APBA1: variants seen among roughly 807,000 people sequenced by gnomAD.
APBA1 encodes amyloid beta precursor protein binding family A member 1, also known as amyloid-beta A4 precursor protein-binding family A member 1.
APBA1 carries 55 observed loss-of-function variants against 86.6 expected under a neutral mutation model. The ratio of observed to expected loss-of-function variants is 0.64; its 90% CI spans 0.51 to 0.80. APBA1 has a LOEUF of 0.80. APBA1 is among the 30% of genes least tolerant of loss of function. The pLI, the probability that APBA1 is intolerant of heterozygous loss-of-function variation, is 0.00. For missense variants in APBA1, 1,090 were observed against 1,183.0 expected (o/e 0.92, Z 1.15); for synonymous variants, 511 against 493.9 (o/e 1.03, Z -0.46).
chr9:69,481,960 A>C (rs1014294195), intron 2 of APBA1, among the ~76,000 whole-genome samples: 1 of 151,148 alleles, frequency 6.6e-6, no homozygotes, highest in Admixed American at 6.6e-5. Flanking sequence ...CACCTTATAC[A>C]AAAATCAATT....
intron 1 of APBA1, among the ~76,000 whole-genome samples, chr9:69,587,780 T>A (rs150599577): frequency 3.1e-4 from 47 of 152,142 alleles, no homozygotes; most frequent in South Asian, 1.5e-3. Flanking sequence ...ATCCCAGCAC[T>A]TTGGGAGGCT....
intron 2 of APBA1, among the ~76,000 whole-genome samples, chr9:69,486,323 C>T (rs1564051727): frequency 1.3e-5 from 2 of 152,088 alleles, no homozygotes; most frequent in South Asian, 4.1e-4. Flanking sequence ...GGGAGACATA[C>T]AAATAGCTCC....
chr9:69,588,607 A>T (rs571554150), intron 1 of APBA1, among the ~76,000 whole-genome samples: 2 of 152,262 alleles, frequency 1.3e-5, no homozygotes, highest in South Asian at 4.1e-4. Flanking sequence ...GTTAAGTTTG[A>T]TCTGCTTGTT....
rs949298498 is a variant in APBA1 at position 69,555,510 on chromosome 9, C to A, written c.-69-38231G>T. On this transcript the variant is annotated intron_variant, in intron 1 of 12. Coordinates refer to ENST00000265381, the MANE Select transcript of APBA1 (RefSeq NM_001163.4). ...AATTTGTTTAATCATTGGCAAAATTCAAAGAATGAATCATCTCAATATAGA... is the reference window on the plus strand; with the variant it reads ...AATTTGTTTAATCATTGGCAAAATTAAAAGAATGAATCATCTCAATATAGA... 3.3e-5 allele frequency among the ~76,000 whole-genome samples: 5 copies of A among 152,086 alleles called. No individual in the cohort carries two copies. The South Asian group carries it at 1.0e-3, about 32-fold the overall frequency.
intron 2 of APBA1, among the ~76,000 whole-genome samples, chr9:69,477,335 T>A: frequency 6.6e-6 from 1 of 151,824 alleles, no homozygotes; most frequent in Admixed American, 6.6e-5. Context: ...GGGAGTTCCC[T>A]TTCTGAGTCA....
intron 5 of APBA1, chr9:69,462,899 A>AGGC (rs1835213385): frequency 6.6e-6 from 1 of 152,206 alleles, no homozygotes; most frequent in Non-Finnish European, 1.5e-5. Flanking sequence ...GTTGGGCCTG[A>AGGC]AAACCTGTAC....
At chr9:69,432,912 C>T (rs897050277) in intron 11 of APBA1, among the ~76,000 whole-genome samples, 1 of 152,158 alleles carries the variant, frequency 6.6e-6, no homozygotes, top group African/African-American at 2.4e-5. Flanking sequence ...CTGGTTTTTA[C>T]GGCACACTGA....
chr9:69,482,546 C>G (rs28816725), intron 2 of APBA1, among the ~76,000 whole-genome samples: 1 of 148,882 alleles, frequency 6.7e-6, no homozygotes, highest in South Asian at 2.2e-4. Flanking sequence ...TAGTTCAACC[C>G]TTGTGGAAGT....
chr9:69,543,038 A>C (rs1836639826), intron 1 of APBA1, among the ~76,000 whole-genome samples: 1 of 152,236 alleles, frequency 6.6e-6, no homozygotes, highest in African/African-American at 2.4e-5. Context: ...GTGCAATCAA[A>C]ATCGCTGCAA....
chr9:69,445,783 T>TG (rs559589118), intron 10 of APBA1, among the ~76,000 whole-genome samples: 2 of 152,294 alleles, frequency 1.3e-5, no homozygotes, highest in African/African-American at 2.4e-5. Flanking sequence ...TCCTGTAACC[T>TG]GGGGGGACAA....
chr9:69,431,445 G>A, intron 12 of APBA1, 47 bp from the exon 13 acceptor site: 1 of 1,550,822 alleles, frequency 6.4e-7, no homozygotes, highest in Non-Finnish European at 8.9e-7. Context: ...GCTGGGGGCT[G>A]GCTGCGTGGG....
chr9:69,491,134 T>C (rs1835702851), intron 2 of APBA1, among the ~76,000 whole-genome samples: 1 of 152,136 alleles, frequency 6.6e-6, no homozygotes, highest in Non-Finnish European at 1.5e-5. Context: ...TAAATCATGC[T>C]GCTATAAAGA....
chr9:69,624,233 T>G (rs1439951103), intron 1 of APBA1, among the ~76,000 whole-genome samples: 2 of 152,144 alleles, frequency 1.3e-5, no homozygotes, highest in Non-Finnish European at 2.9e-5. Context: ...CCACACTGCA[T>G]AAGACCAACA....
At chr9:69,512,666 C>T (rs1287202106) in intron 2 of APBA1, among the ~76,000 whole-genome samples, 1 of 151,998 alleles carries the variant, frequency 6.6e-6, no homozygotes, top group Non-Finnish European at 1.5e-5. Flanking sequence ...GGGGAAAGTG[C>T]CCAGATAATA....
In APBA1 at chr9:69,662,351, C is replaced by T. The variant is rs982116879; in HGVS notation, c.-70+9802G>A. 5.9e-5 allele frequency among the ~76,000 whole-genome samples: 9 copies of T among 152,272 alleles called. No individual in the cohort carries two copies. In the South Asian group the frequency reaches 6.2e-4, roughly 11 times the overall value. The stretch of plus-strand genomic sequence containing the variant: ...TGAGTTAGCTGTGTACAGTACTTAG[C>T]GCAATGCCTGACACTTTGTAACTTG... On this transcript the variant is annotated intron_variant, in intron 1 of 12. Coordinates refer to ENST00000265381, the MANE Select transcript of APBA1 (RefSeq NM_001163.4).
At chr9:69,585,466 C>T (rs976424310) in intron 1 of APBA1, among the ~76,000 whole-genome samples, 1 of 152,160 alleles carries the variant, frequency 6.6e-6, no homozygotes, top group African/African-American at 2.4e-5. Flanking sequence ...CCCAATGTGC[C>T]CTGGAGAGAA....
chr9:69,580,648 AT>A (rs1386591157), intron 1 of APBA1, among the ~76,000 whole-genome samples: 1 of 152,126 alleles, frequency 6.6e-6, no homozygotes, highest in Non-Finnish European at 1.5e-5. Flanking sequence ...CAGCACAGTT[AT>A]TTTTTGCTGT....
chr9:69,502,645 G>C (rs1835897262), intron 2 of APBA1, among the ~76,000 whole-genome samples: 1 of 151,946 alleles, frequency 6.6e-6, no homozygotes, highest in Non-Finnish European at 1.5e-5. Flanking sequence ...ACTTTACTGT[G>C]GATTCTAAGT....
chr9:69,640,382 C>T (rs1362377685), intron 1 of APBA1, among the ~76,000 whole-genome samples: 2 of 151,916 alleles, frequency 1.3e-5, no homozygotes. Context: ...CACAAGTATT[C>T]CTTGGGAGAA....
Sources: gnomAD v4.1 joint callset for allele counts (sites outside exome capture counted in the v4.1 genomes callset) on GRCh38, gnomAD v4.1.1 for gene constraint, MANE v1.5 for transcripts, NCBI Gene and HGNC (gene_info 2026-07-23, HGNC 2026-07-21) for gene names.